MACROD2: variants seen among roughly 807,000 people sequenced by gnomAD.
MACROD2 encodes mono-ADP ribosylhydrolase 2, also known as ADP-ribose glycohydrolase MACROD2.
A neutral mutation model predicts 70.4 loss-of-function variants in MACROD2; 36 were observed. That is an observed-to-expected ratio of 0.51 (90% CI 0.39 to 0.68). The LOEUF (loss-of-function observed/expected upper bound fraction) is 0.68. MACROD2 is among the 30% of genes least tolerant of loss of function. MACROD2 has a pLI of 0.00. For missense variants in MACROD2, 496 were observed against 538.4 expected, an observed-to-expected ratio of 0.92 and a Z score of 0.78; for synonymous variants, 172 against 178.8, an observed-to-expected ratio of 0.96 and a Z score of 0.30.
At chr20:14,021,729 T>A (rs1338465265) in intron 2 of MACROD2, among the ~76,000 whole-genome samples, 2 of 152,246 alleles carry the variant, frequency 1.3e-5, no homozygotes, top group Non-Finnish European at 2.9e-5. Flanking sequence ...GTTAAGTGGC[T>A]TAACCCAATA....
chr20:14,723,620 A>G (rs940433871), intron 5 of MACROD2, among the ~76,000 whole-genome samples: 1 of 150,000 alleles, frequency 6.7e-6, no homozygotes, highest in Non-Finnish European at 1.5e-5. Context: ...ATTTTCAAAG[A>G]CTTTGCTTTA....
intron 3 of MACROD2, among the ~76,000 whole-genome samples, chr20:14,255,694 TAAATAAATAAA>T (rs898393975): frequency 2.4e-4 from 18 of 76,162 alleles, no homozygotes; most frequent in African/African-American, 4.8e-4. Flanking sequence ...AATAAATAAA[TAAATAAATAAA>T]TAAATAAATA....
At chr20:14,281,824 A>G (rs1450444565) in intron 3 of MACROD2, among the ~76,000 whole-genome samples, 1 of 150,734 alleles carries the variant, frequency 6.6e-6, no homozygotes, top group African/African-American at 2.4e-5. Context: ...AATCCCAGCT[A>G]CTCAGGAGGC....
chr20:15,757,890 T>C (rs557281069), intron 8 of MACROD2, among the ~76,000 whole-genome samples: 21 of 152,288 alleles, frequency 1.4e-4, no homozygotes, highest in Non-Finnish European at 2.4e-4. Context: ...TACCATCACA[T>C]TGGAGTTAGA....
intron 3 of MACROD2, among the ~76,000 whole-genome samples, chr20:14,443,266 T>C (rs1443368536): frequency 6.6e-6 from 1 of 150,688 alleles, no homozygotes; most frequent in Non-Finnish European, 1.5e-5. Flanking sequence ...CCTTTGAGAT[T>C]AAATTAAGAG....
At chr20:14,306,693 A>G (rs1336320121) in intron 3 of MACROD2, among the ~76,000 whole-genome samples, 2 of 152,096 alleles carry the variant, frequency 1.3e-5, no homozygotes, top group Admixed American at 6.6e-5. Context: ...TGTAGAGGGT[A>G]GCAAAACATC....
chr20:14,126,548 G>GCAAA (rs1569169840), intron 3 of MACROD2, among the ~76,000 whole-genome samples: 286 of 152,242 alleles, frequency 1.9e-3, no homozygotes, highest in African/African-American at 6.3e-3. Context: ...TTAAAGGTTT[G>GCAAA]TGGTAACCCT....
At chr20:15,161,837 T>G (rs1452230861) in intron 5 of MACROD2, among the ~76,000 whole-genome samples, 1 of 152,028 alleles carries the variant, frequency 6.6e-6, no homozygotes. Flanking sequence ...AATTAATCAC[T>G]CAACATTCAG....
chr20:14,216,754 T>G (rs748812531), intron 3 of MACROD2, among the ~76,000 whole-genome samples: 3 of 152,128 alleles, frequency 2.0e-5, no homozygotes, highest in Non-Finnish European at 2.9e-5. Context: ...AGTATTTTAT[T>G]TTTTTGTTTG....
intron 3 of MACROD2, among the ~76,000 whole-genome samples, chr20:14,091,561 T>C (rs912230487): frequency 6.6e-6 from 1 of 152,124 alleles, no homozygotes; most frequent in African/African-American, 2.4e-5. Context: ...ATCCACACTG[T>C]GTATATATAT....
chr20:14,759,676 A>G (rs1293468812), intron 5 of MACROD2, among the ~76,000 whole-genome samples: 1 of 152,124 alleles, frequency 6.6e-6, no homozygotes, highest in African/African-American at 2.4e-5. Flanking sequence ...AAGCACAAAA[A>G]TTACCTTATT....
intron 4 of MACROD2, among the ~76,000 whole-genome samples, chr20:14,496,696 T>G (rs2084856876): frequency 6.6e-6 from 1 of 151,960 alleles, no homozygotes; most frequent in African/African-American, 2.4e-5. Context: ...TTACCAATTT[T>G]ACCAATTTGC....
intron 5 of MACROD2, among the ~76,000 whole-genome samples, chr20:14,912,640 A>T (rs1290956229): frequency 6.6e-6 from 1 of 152,198 alleles, no homozygotes; most frequent in Non-Finnish European, 1.5e-5. Context: ...AGGCAGAGAA[A>T]TAAGGAACAG....
intron 5 of MACROD2, among the ~76,000 whole-genome samples, chr20:15,154,096 T>C (rs986248016): frequency 6.6e-6 from 1 of 152,184 alleles, no homozygotes; most frequent in Non-Finnish European, 1.5e-5. Flanking sequence ...TTAGTCCTGC[T>C]TTTACCTCTG....
intron 15 of MACROD2, among the ~76,000 whole-genome samples, chr20:16,017,904 T>C (rs1006709822): frequency 6.6e-6 from 1 of 152,170 alleles, no homozygotes; most frequent in Non-Finnish European, 1.5e-5. Context: ...TGAAATGATA[T>C]ATTTGTGAGT....
intron 5 of MACROD2, among the ~76,000 whole-genome samples, chr20:14,928,288 A>C (rs1408429): frequency 0.49 from 74,751 of 152,034 alleles, 19,123 homozygotes; most frequent in South Asian, 0.71. Context: ...GTCACCAAAC[A>C]CTCAGAAATA....
chr20:14,406,706 A>G (rs1188207005), intron 3 of MACROD2, among the ~76,000 whole-genome samples: 2 of 152,184 alleles, frequency 1.3e-5, no homozygotes, highest in Non-Finnish European at 2.9e-5. Flanking sequence ...ATTACTTTGC[A>G]GATAGTAAAT....
rs113025015 is a variant in MACROD2, at chr20:14,700,005, A to G, written c.418+15046A>G. ...TTAAAGTTTAAAGTTTAAATCTAGA[A>G]GTTTAAAGTTTAAATCTAGAAGTTT... On this transcript the variant is annotated intron_variant, in intron 5 of 17. Transcript: ENST00000684519. Among the ~76,000 whole-genome samples the G allele has an allele frequency of 6.0e-3, 902 of 150,942 alleles. 14 individuals carry two copies. Among genetic ancestry groups the G allele is most frequent in the African/African-American group, 0.021 (845 of 40,998 alleles).
chr20:15,483,529 G>A (rs763742175), intron 7 of MACROD2, among the ~76,000 whole-genome samples: 2 of 151,918 alleles, frequency 1.3e-5, no homozygotes, highest in Non-Finnish European at 2.9e-5. Context: ...GGCTATTCTG[G>A]GGCTTTTATC....
Sources: allele counts gnomAD v4.1 joint callset (sites outside exome capture counted in the v4.1 genomes callset), GRCh38; gene constraint gnomAD v4.1.1; transcripts MANE v1.5; gene names NCBI Gene and HGNC (gene_info 2026-07-23, HGNC 2026-07-21).